Variants in ZNF185 observed in about 807,000 individuals in gnomAD.
ZNF185 encodes the protein zinc finger protein 185 with LIM domain, also known as zinc finger protein 185.
A neutral mutation model predicts 58.6 loss-of-function variants in ZNF185; 56 were observed. The observed-to-expected ratio is 0.95, with a 90% confidence interval of 0.77 to 1.19. ZNF185 has a LOEUF of 1.19. Among genes scored for constraint, ZNF185 ranks in the 50% most tolerant of loss-of-function variants. ZNF185 has a pLI of 0.00. For missense variants in ZNF185, 627 were observed against 573.5 expected, an observed-to-expected ratio of 1.09 and a Z score of -0.95; for synonymous variants, 230 against 215.9, an observed-to-expected ratio of 1.07 and a Z score of -0.57.
At chrX:152,938,558 A>T (rs1050941810) in intron 15 of ZNF185, among the ~76,000 whole-genome samples, 14 of 111,133 alleles carry the variant, frequency 1.3e-4, no homozygotes, top group African/African-American at 4.6e-4. Context: ...AGGGGGCTTC[A>T]TGGGGACTGT....
At chrX:152,960,757 A>G (rs945125561) in intron 17 of ZNF185, among the ~76,000 whole-genome samples, 51 of 112,856 alleles carry the variant, frequency 4.5e-4, no homozygotes, top group African/African-American at 1.5e-3. Flanking sequence ...CCAAAAATCC[A>G]TGGAAAACTG....
chrX:152,938,213 TTGGGCTGTG>T, intron 15 of ZNF185, 50 bp downstream of exon 17: 1 of 1,115,508 alleles, frequency 9.0e-7, no homozygotes, highest in South Asian at 2.0e-5. Context: ...GAGAGGCAGC[TTGGGCTGTG>T]TGTCCATTGG....
At chrX:152,907,285 C>G in the ZNF185 span, among the ~76,000 whole-genome samples, 1 of 112,810 alleles carries the variant, frequency 8.9e-6, no homozygotes, top group African/African-American at 3.2e-5. Flanking sequence ...TCTCACTCCA[C>G]TCGCTGATGA....
At chrX:152,953,577 G>A (rs2048502401) in intron 16 of ZNF185, among the ~76,000 whole-genome samples, 1 of 110,891 alleles carries the variant, frequency 9.0e-6, no homozygotes. Flanking sequence ...TGTGCCTATA[G>A]TCCCAGCTAC....
upstream of ZNF185, among the ~76,000 whole-genome samples, chrX:152,913,294 G>A (rs1937623252): frequency 8.9e-6 from 1 of 112,400 alleles, no homozygotes; most frequent in African/African-American, 3.2e-5. Flanking sequence ...CCTATTTTGA[G>A]GCCCAAGGGT....
intron 3 of ZNF185, among the ~76,000 whole-genome samples, chrX:152,916,815 G>A (rs782439468): frequency 1.7e-4 from 19 of 112,874 alleles, no homozygotes; most frequent in South Asian, 3.6e-4. Context: ...GCAGTGCTCC[G>A]TCGGCGCAGC....
chrX:152,971,922 G>A (rs1166448825), exon 23 of ZNF185: 1 of 112,106 alleles, frequency 8.9e-6, no homozygotes, highest in Non-Finnish European at 1.9e-5. Flanking sequence ...TTTAAATTCA[G>A]TAGGATGTGA....
chrX:152,969,771 G>A (rs2050497094), intron 21 of ZNF185, among the ~76,000 whole-genome samples: 1 of 112,810 alleles, frequency 8.9e-6, no homozygotes, highest in Admixed American at 9.3e-5. Context: ...GGGCCAGCAA[G>A]TGCAAAAGCC....
chrX:152,915,154 C>T lies in ZNF185; in HGVS notation c.175C>T (p.Arg59Trp), dbSNP rs782046489. ...TTCCCCCAGAGAGCTGCCCTCAGGC[C>T]GGAGTCGCGCCACATCCTTTTCATC... Residue 59 changes from arginine to tryptophan, a missense_variant, in exon 3 of 23, where the codon CGG becomes TGG. Transcript: ENST00000449285. 1.9e-5 allele frequency: 23 copies of T among 1,208,569 alleles called. No individual in the cohort carries two copies. Among genetic ancestry groups the T allele is most frequent in the Middle Eastern group, 2.3e-4 (1 of 4,352 alleles).
intron 15 of ZNF185, among the ~76,000 whole-genome samples, chrX:152,939,384 G>C (rs1031608849): frequency 8.9e-6 from 1 of 112,153 alleles, no homozygotes; most frequent in Non-Finnish European, 1.9e-5. Flanking sequence ...GATGGGTAAG[G>C]TGGGAAACTG....
intron 16 of ZNF185, among the ~76,000 whole-genome samples, chrX:152,953,345 T>C (rs2048482938): frequency 9.0e-6 from 1 of 111,672 alleles, no homozygotes; most frequent in Non-Finnish European, 1.9e-5. Context: ...GAAGAGCTCA[T>C]TTAACAGAAT....
At chrX:152,949,741 T>C (rs1441871127) in intron 16 of ZNF185, among the ~76,000 whole-genome samples, 1 of 111,706 alleles carries the variant, frequency 9.0e-6, no homozygotes, top group African/African-American at 3.3e-5. Flanking sequence ...TAGGCAACGA[T>C]AGTAGCAGAA....
In ZNF185 at chrX:152,930,151, C is replaced by G. The variant is rs1320351155; in HGVS notation, c.917+1490C>G. 4.5e-5 allele frequency among the ~76,000 whole-genome samples: 5 copies of G among 112,332 alleles called. No homozygotes were observed. The East Asian group carries it at 1.4e-3, about 31-fold the overall frequency. ...GTCCAGAGCAGGCAGATCCGCTCAG[C>G]CTGCCCTACTCCCACCTTCCACCTT... On this transcript the variant is annotated intron_variant, in intron 12 of 22. Transcript: ENST00000449285.
intron 16 of ZNF185, among the ~76,000 whole-genome samples, chrX:152,953,437 C>A (rs1556901809): frequency 8.9e-6 from 1 of 112,125 alleles, no homozygotes; most frequent in Non-Finnish European, 1.9e-5. Context: ...TGGCTCACAC[C>A]TGTAATCCCA....
At chrX:152,945,307 G>A in exon 16 of ZNF185, 1 of 1,209,944 alleles carries the variant, frequency 8.3e-7, no homozygotes. Context: ...GGCCACCAGG[G>A]TCGGAGAGGC....
intron 17 of ZNF185, 85 bp downstream of exon 19, chrX:152,959,981 C>A (rs1195028564): frequency 1.1e-6 from 1 of 929,946 alleles, no homozygotes; most frequent in Non-Finnish European, 1.5e-6. Flanking sequence ...CCCCCACACA[C>A]TAGGCATGCC....
At chrX:152,928,746 C>G in intron 12 of ZNF185, 85 bp downstream of exon 13, 1 of 982,827 alleles carries the variant, frequency 1.0e-6, no homozygotes, top group Non-Finnish European at 1.4e-6. Flanking sequence ...ATGATGAGGC[C>G]TAGGGCCGGC....
intron 17 of ZNF185, among the ~76,000 whole-genome samples, chrX:152,962,048 C>T (rs1166830302): frequency 8.9e-6 from 1 of 111,761 alleles, no homozygotes; most frequent in East Asian, 2.8e-4. Context: ...GAGGAGGAGA[C>T]AGTTCGGCTG....
chrX:152,969,129 C>A (rs2050418636), intron 20 of ZNF185, among the ~76,000 whole-genome samples: 1 of 112,182 alleles, frequency 8.9e-6, no homozygotes, highest in South Asian at 3.8e-4. Flanking sequence ...CATATCAGGA[C>A]ATCTACAGGA....
Sources: gnomAD v4.1 joint callset for allele counts (sites outside exome capture counted in the v4.1 genomes callset) on GRCh38, gnomAD v4.1.1 for gene constraint, MANE v1.5 for transcripts, NCBI Gene and HGNC (gene_info 2026-07-23, HGNC 2026-07-21) for gene names.